RAD51B: variants seen among roughly 807,000 people sequenced by gnomAD.
The protein encoded by RAD51B is DNA repair protein RAD51 homolog 2.
RAD51B carries 38 observed loss-of-function variants against 42.2 expected under a neutral mutation model. The ratio of observed to expected loss-of-function variants is 0.90; its 90% CI spans 0.70 to 1.18. The LOEUF is 1.18. Ranked by LOEUF, RAD51B falls within the 50% of genes most tolerant of loss-of-function variation. The pLI is 0.00. For missense variants in RAD51B, 373 were observed against 400.7 expected (o/e 0.93, Z 0.59); for synonymous variants, 154 against 145.2 (o/e 1.06, Z -0.43).
chr14:68,153,290 TAAG>T (rs2078430100), intron 7 of RAD51B, among the ~76,000 whole-genome samples: 1 of 152,192 alleles, frequency 6.6e-6, no homozygotes, highest in African/African-American at 2.4e-5. Context: ...ATTTTGATAA[TAAG>T]AAATAAATAT....
chr14:68,362,677 G>A (rs551201916), intron 8 of RAD51B, among the ~76,000 whole-genome samples: 63 of 152,020 alleles, frequency 4.1e-4, no homozygotes, highest in Admixed American at 9.2e-4. Context: ...GTGAAACCCC[G>A]TCTCTACTAA....
chr14:68,560,866 G>A (rs990769673), intron 10 of RAD51B, among the ~76,000 whole-genome samples: 3 of 151,582 alleles, frequency 2.0e-5, no homozygotes, highest in African/African-American at 4.9e-5. Context: ...ACTTGACTTC[G>A]CTTCTGGAAG....
downstream of RAD51B, among the ~76,000 whole-genome samples, chr14:68,600,141 G>A (rs1001959318): frequency 3.3e-5 from 5 of 152,140 alleles, no homozygotes; most frequent in South Asian, 2.1e-4. Flanking sequence ...ATTAAGCAGC[G>A]GCCCTCTGAT....
At chr14:67,883,655 A>T (rs1439201132) in intron 5 of RAD51B, among the ~76,000 whole-genome samples, 1 of 152,180 alleles carries the variant, frequency 6.6e-6, no homozygotes, top group Non-Finnish European at 1.5e-5. Context: ...CCCACCTGTC[A>T]CATTCTATTC....
chr14:68,099,012 A>G (rs539341823), intron 7 of RAD51B, among the ~76,000 whole-genome samples: 156 of 152,300 alleles, frequency 1.0e-3, no homozygotes, highest in Non-Finnish European at 1.8e-3. Flanking sequence ...AAACATCAGC[A>G]TTGTTTATTA....
intron 3 of RAD51B, among the ~76,000 whole-genome samples, chr14:67,827,193 CTTG>C (rs1245635650): frequency 1.3e-5 from 2 of 152,182 alleles, no homozygotes. Flanking sequence ...TTCAAATTAA[CTTG>C]TTATTATTTT....
At chr14:68,092,823 A>G (rs1047707229) in intron 7 of RAD51B, among the ~76,000 whole-genome samples, 11 of 152,146 alleles carry the variant, frequency 7.2e-5, no homozygotes, top group Non-Finnish European at 1.5e-4. Flanking sequence ...TCAGTATGAT[A>G]TTGGCTGTGG....
At chr14:68,138,778 G>A (rs2078062722) in intron 7 of RAD51B, among the ~76,000 whole-genome samples, 1 of 152,144 alleles carries the variant, frequency 6.6e-6, no homozygotes, top group African/African-American at 2.4e-5. Flanking sequence ...CTCAATGTGA[G>A]CTTACACTGA....
At chr14:68,137,857 A>G (rs1009399335) in intron 7 of RAD51B, among the ~76,000 whole-genome samples, 2 of 152,170 alleles carry the variant, frequency 1.3e-5, no homozygotes, top group Non-Finnish European at 2.9e-5. Context: ...CTGAGAAGGA[A>G]TGTGTATTCA....
intron 7 of RAD51B, among the ~76,000 whole-genome samples, chr14:68,101,268 A>G (rs371618341): frequency 2.6e-5 from 4 of 152,096 alleles, no homozygotes; most frequent in African/African-American, 9.7e-5. Flanking sequence ...GCCCTTCCCA[A>G]ATCTCATGCC....
intron 7 of RAD51B, among the ~76,000 whole-genome samples, chr14:68,283,435 C>T (rs1008015334): frequency 6.6e-6 from 1 of 152,204 alleles, no homozygotes; most frequent in Non-Finnish European, 1.5e-5. Flanking sequence ...GACCATTGGC[C>T]TTGTTCTCTT....
chr14:68,143,274 A>G (rs2078172709), intron 7 of RAD51B, among the ~76,000 whole-genome samples: 1 of 152,192 alleles, frequency 6.6e-6, no homozygotes, highest in Non-Finnish European at 1.5e-5. Flanking sequence ...CTAATTCTAT[A>G]GCTTGTGTAG....
chr14:67,893,203 T>C (rs2043272114), intron 7 of RAD51B, among the ~76,000 whole-genome samples: 1 of 152,028 alleles, frequency 6.6e-6, no homozygotes, highest in Non-Finnish European at 1.5e-5. Flanking sequence ...TACATTGGCT[T>C]TGATAATTAT....
At chr14:67,824,448 G>A (rs2040741007) in intron 2 of RAD51B, among the ~76,000 whole-genome samples, 1 of 151,952 alleles carries the variant, frequency 6.6e-6, no homozygotes, top group Non-Finnish European at 1.5e-5. Context: ...AGTAGAAACG[G>A]GGTTTCACCA....
chr14:68,194,784 G>A (rs965019436), intron 7 of RAD51B, among the ~76,000 whole-genome samples: 2 of 152,000 alleles, frequency 1.3e-5, no homozygotes, highest in African/African-American at 4.8e-5. Context: ...AGTACAAGGG[G>A]GAAGAATACT....
chr14:68,438,630 T>G (rs572454855), intron 9 of RAD51B, among the ~76,000 whole-genome samples: 2 of 152,316 alleles, frequency 1.3e-5, no homozygotes, highest in South Asian at 2.1e-4. Context: ...CACCACTGTT[T>G]ATAGCACATC....
At chr14:68,625,458 T>C (rs1892056555) in intron 10 of RAD51B, among the ~76,000 whole-genome samples, 1 of 152,172 alleles carries the variant, frequency 6.6e-6, no homozygotes, top group Admixed American at 6.5e-5. Context: ...GACACTGGGC[T>C]CGCCAGGCTT....
At chr14:68,067,479 A>AAC (rs1938264151) in intron 7 of RAD51B, among the ~76,000 whole-genome samples, 3 of 140,248 alleles carry the variant, frequency 2.1e-5, no homozygotes, top group Non-Finnish European at 4.6e-5. Context: ...AAAAAAAACA[A>AAC]AAAAAAAAAA....
intron 7 of RAD51B, among the ~76,000 whole-genome samples, chr14:67,944,260 C>G (rs1390462930): frequency 6.8e-6 from 1 of 146,878 alleles, no homozygotes; most frequent in Non-Finnish European, 1.5e-5. Flanking sequence ...AACTAAATCT[C>G]CCTGTTGCTA....
Sources: gnomAD v4.1 joint callset for allele counts (sites outside exome capture counted in the v4.1 genomes callset) on GRCh38, gnomAD v4.1.1 for gene constraint, MANE v1.5 for transcripts, NCBI Gene and HGNC (gene_info 2026-07-23, HGNC 2026-07-21) for gene names.